Variants in AK5 observed in about 807,000 individuals in gnomAD.
AK5 encodes the protein adenylate kinase isoenzyme 5.
Under a neutral mutation model 69.5 loss-of-function variants are expected in AK5, and 27 were observed. The observed-to-expected ratio is 0.39, with a 90% CI of 0.29 to 0.54. The LOEUF is 0.54. Ranked by LOEUF, AK5 falls within the 20% of genes least tolerant of loss-of-function variation. AK5 has a pLI of 0.71. For missense variants in AK5, 531 were observed against 700.4 expected, an observed-to-expected ratio of 0.76 and a Z score of 2.73; for synonymous variants, 260 against 244.4, an observed-to-expected ratio of 1.06 and a Z score of -0.60.
At chr1:77,500,640 C>T (rs956332315) in intron 10 of AK5, among the ~76,000 whole-genome samples, 4 of 151,976 alleles carry the variant, frequency 2.6e-5, no homozygotes, top group African/African-American at 7.2e-5. Flanking sequence ...AAAAAATTAG[C>T]CAGGTGTGGT....
chr1:77,543,917 A>G (rs1356469253), intron 13 of AK5, among the ~76,000 whole-genome samples: 4 of 150,770 alleles, frequency 2.7e-5, no homozygotes. Context: ...TTATGTGTGT[A>G]TGTGAGAGTA....
At chr1:77,495,213 A>G (rs1025994273) in intron 10 of AK5, among the ~76,000 whole-genome samples, 7 of 152,240 alleles carry the variant, frequency 4.6e-5, no homozygotes, top group African/African-American at 1.7e-4. Flanking sequence ...TACACAGTTA[A>G]TAAGTGACAG....
chr1:77,376,527 C>CTTCTCTTTGATTTTTT (rs1553141714), intron 6 of AK5, among the ~76,000 whole-genome samples: 9 of 145,480 alleles, frequency 6.2e-5, no homozygotes, highest in South Asian at 2.2e-4. Context: ...TTCTATGGGT[C>CTTCTCTTTGATTTTTT]TTCTCTTTGA....
intron 13 of AK5, among the ~76,000 whole-genome samples, chr1:77,547,271 C>CTTTTTTTT (rs532879024): frequency 5.6e-5 from 6 of 107,434 alleles, no homozygotes; most frequent in Non-Finnish European, 9.0e-5. Flanking sequence ...ATAAAGTTCT[C>CTTTTTTTT]TTTTTTTTTT....
At chr1:77,348,588 T>C (rs894078529) in intron 6 of AK5, among the ~76,000 whole-genome samples, 2 of 152,230 alleles carry the variant, frequency 1.3e-5, no homozygotes, top group African/African-American at 4.8e-5. Context: ...GTGCTATTTC[T>C]ATGGGACTGT....
intron 8 of AK5, among the ~76,000 whole-genome samples, chr1:77,442,964 C>A (rs992149645): frequency 6.6e-5 from 10 of 151,908 alleles, no homozygotes; most frequent in African/African-American, 2.4e-4. Flanking sequence ...CATGAGAACC[C>A]TTCCTTCATG....
intron 8 of AK5, among the ~76,000 whole-genome samples, chr1:77,446,170 C>T (rs527963636): frequency 6.6e-6 from 1 of 152,178 alleles, no homozygotes; most frequent in African/African-American, 2.4e-5. Context: ...TCCCTAGCAC[C>T]ATTTATTGCA....
intron 8 of AK5, among the ~76,000 whole-genome samples, chr1:77,471,161 C>T (rs1654486223): frequency 6.6e-6 from 1 of 151,828 alleles, no homozygotes; most frequent in East Asian, 1.9e-4. Context: ...GAATTACAGG[C>T]GTGAGCCACA....
rs369735361 is a variant in AK5, at chr1:77,398,864, G to A, written c.892-12117G>A. Among the ~76,000 whole-genome samples the A allele has an allele frequency of 2.8e-4, 42 of 152,052 alleles. No individual in the cohort carries two copies. The East Asian group carries it at 7.2e-3, about 26-fold the overall frequency. ...GTGTTCAATATATCTATATTGAATT[G>A]CATCCTGTAGGTGGTATACGAGATT... On this transcript the variant is annotated intron_variant, in intron 6 of 13. Coordinates refer to ENST00000354567, the MANE Select transcript of AK5 (RefSeq NM_174858.3).
intron 10 of AK5, among the ~76,000 whole-genome samples, chr1:77,501,855 A>T (rs966617131): frequency 6.6e-6 from 1 of 152,238 alleles, no homozygotes; most frequent in African/African-American, 2.4e-5. Context: ...AGCACTGCAC[A>T]ACATCACTAG....
At chr1:77,330,135 G>A (rs372929640) in intron 5 of AK5, among the ~76,000 whole-genome samples, 2 of 152,166 alleles carry the variant, frequency 1.3e-5, no homozygotes, top group South Asian at 2.1e-4. Flanking sequence ...AATGAAGAGA[G>A]GGAATGAGGT....
intron 13 of AK5, among the ~76,000 whole-genome samples, chr1:77,548,067 T>C (rs1240536630): frequency 6.6e-6 from 1 of 152,198 alleles, no homozygotes; most frequent in Non-Finnish European, 1.5e-5. Context: ...AAAGATGTTA[T>C]TCAAAACTTT....
intron 6 of AK5, among the ~76,000 whole-genome samples, chr1:77,404,314 G>A (rs1649465379): frequency 6.6e-6 from 1 of 152,066 alleles, no homozygotes; most frequent in African/African-American, 2.4e-5. Flanking sequence ...CTGGCAAGTA[G>A]CCCCCTGACC....
chr1:77,483,448 A>G, intron 9 of AK5, 89 bp downstream of exon 9: 1 of 1,015,014 alleles, frequency 9.9e-7, no homozygotes, highest in Non-Finnish European at 1.6e-6. Context: ...GAGAGAAAAA[A>G]TATTAACAGC....
chr1:77,516,428 G>GAA (rs36116132), intron 10 of AK5, among the ~76,000 whole-genome samples: 9 of 148,048 alleles, frequency 6.1e-5, no homozygotes, highest in Admixed American at 6.7e-5. Context: ...TTCAGCACCA[G>GAA]AAAAAAAAAA....
At chr1:77,341,384 G>A (rs1191798930) in intron 6 of AK5, among the ~76,000 whole-genome samples, 2 of 152,222 alleles carry the variant, frequency 1.3e-5, no homozygotes, top group Non-Finnish European at 2.9e-5. Flanking sequence ...CAGCTAGATG[G>A]TGGCAGACCT....
intron 6 of AK5, among the ~76,000 whole-genome samples, chr1:77,371,187 C>T (rs1647115448): frequency 6.6e-6 from 1 of 152,122 alleles, no homozygotes; most frequent in Non-Finnish European, 1.5e-5. Flanking sequence ...TGGTAATGTG[C>T]TTTTATTCCT....
rs186149323 is a variant in AK5, at chr1:77,315,007, G to A, written c.699+17060G>A. The A allele has an allele frequency of 2.6e-5, 4 of 152,102 alleles. No individual in the cohort carries two copies. In the East Asian group the frequency reaches 5.8e-4, roughly 22 times the overall value. 9.4% of individuals were successfully genotyped at this position (152,102 alleles called of 1,614,324 possible). A position where few individuals can be genotyped will look rare whatever the true frequency, so the allele number is the denominator to read the frequency against. Reference sequence around the variant, plus strand: ...AGATGAATGAATAATGTACCCTTACGGTAAAATACGTGTACATATAATCAT... The same window carrying A: ...AGATGAATGAATAATGTACCCTTACAGTAAAATACGTGTACATATAATCAT... On this transcript the variant is annotated intron_variant, in intron 5 of 13. Coordinates refer to ENST00000354567, the MANE Select transcript of AK5 (RefSeq NM_174858.3).
chr1:77,479,690 C>T (rs1655145087), intron 8 of AK5, among the ~76,000 whole-genome samples: 1 of 152,156 alleles, frequency 6.6e-6, no homozygotes, highest in Non-Finnish European at 1.5e-5. Flanking sequence ...GATTTAGTAT[C>T]CCACTTCATG....
Sources: allele counts gnomAD v4.1 joint callset (sites outside exome capture counted in the v4.1 genomes callset), GRCh38; gene constraint gnomAD v4.1.1; transcripts MANE v1.5; gene names NCBI Gene and HGNC (gene_info 2026-07-23, HGNC 2026-07-21).